VTI1A: variants seen among roughly 807,000 people sequenced by gnomAD.
VTI1A encodes vesicle transport through interaction with t-SNAREs 1A.
A neutral mutation model predicts 34.9 loss-of-function variants in VTI1A; 22 were observed. That is an observed-to-expected ratio of 0.63 (90% confidence interval 0.45 to 0.90). The LOEUF is 0.90. Among genes scored for constraint, VTI1A ranks in the 40% least tolerant of loss-of-function variants. The pLI is 0.00. For missense variants in VTI1A, 268 were observed against 275.6 expected (o/e 0.97, Z 0.20); for synonymous variants, 87 against 97.3 (o/e 0.89, Z 0.62).
chr10:112,723,779 G>A (rs1849902428), intron 7 of VTI1A, among the ~76,000 whole-genome samples: 1 of 152,228 alleles, frequency 6.6e-6, no homozygotes, highest in South Asian at 2.1e-4. Flanking sequence ...GTTTTCAGTT[G>A]ATGAAGGAAT....
chr10:112,735,106 T>A (rs1422791791), intron 7 of VTI1A, among the ~76,000 whole-genome samples: 1 of 152,216 alleles, frequency 6.6e-6, no homozygotes, highest in Non-Finnish European at 1.5e-5. Flanking sequence ...CACAGTGATT[T>A]ACCAGTTTTA....
At chr10:112,733,572 T>C (rs1485575252) in intron 7 of VTI1A, among the ~76,000 whole-genome samples, 1 of 152,110 alleles carries the variant, frequency 6.6e-6, no homozygotes, top group African/African-American at 2.4e-5. Context: ...GTCAAAGTTA[T>C]TCATATGTTC....
At chr10:112,656,835 C>T (rs10885366) in intron 5 of VTI1A, among the ~76,000 whole-genome samples, 42,618 of 151,894 alleles carry the variant, frequency 0.28, 7,214 homozygotes, top group East Asian at 0.69. Context: ...TTTAATCCTC[C>T]GAGTTGGAGG....
chr10:112,462,042 GT>G (rs1285919521), intron 2 of VTI1A, among the ~76,000 whole-genome samples: 1 of 152,182 alleles, frequency 6.6e-6, no homozygotes, highest in Non-Finnish European at 1.5e-5. Flanking sequence ...TAGAGACAGG[GT>G]TTCACCATGT....
intron 7 of VTI1A, among the ~76,000 whole-genome samples, chr10:112,745,750 A>G (rs1239974967): frequency 1.3e-5 from 2 of 152,174 alleles, no homozygotes; most frequent in Admixed American, 6.5e-5. Context: ...TATTTTTACA[A>G]AGATATTTGG....
At chr10:112,684,204 A>G (rs73350553) in intron 7 of VTI1A, among the ~76,000 whole-genome samples, 6,475 of 152,266 alleles carry the variant, frequency 0.043, 475 homozygotes, top group African/African-American at 0.15. Context: ...ATAAAACTTT[A>G]TATCCTATTA....
intron 5 of VTI1A, among the ~76,000 whole-genome samples, chr10:112,627,553 A>T (rs1384955491): frequency 1.3e-5 from 2 of 152,168 alleles, no homozygotes; most frequent in Admixed American, 1.3e-4. Flanking sequence ...ACCACTATTC[A>T]TAGTAGGTAT....
intron 5 of VTI1A, among the ~76,000 whole-genome samples, chr10:112,589,744 A>G (rs893915657): frequency 3.3e-5 from 5 of 152,170 alleles, no homozygotes; most frequent in Non-Finnish European, 7.3e-5. Flanking sequence ...CAGAGAGCTT[A>G]GTTGTTTGCT....
At position 112,738,455 on chromosome 10, in the gene VTI1A, T is replaced by A. The variant is rs957914376; in HGVS notation, c.560+69457T>A. Among the ~76,000 whole-genome samples, 4 of 152,302 alleles carry A rather than the reference T, an allele frequency of 2.6e-5. No homozygotes were observed. The South Asian group carries it at 8.3e-4, about 32-fold the overall frequency. ...GAGATCCTTGAGGACGGGGAGTGTGTTTCCTTTTTCTTTATATCTAGGATT... is the reference window on the plus strand; with the variant it reads ...GAGATCCTTGAGGACGGGGAGTGTGATTCCTTTTTCTTTATATCTAGGATT... On this transcript the variant is annotated intron_variant, in intron 7 of 7. Transcript: ENST00000393077.
At chr10:112,676,917 A>T (rs1278107149) in intron 7 of VTI1A, among the ~76,000 whole-genome samples, 3 of 152,170 alleles carry the variant, frequency 2.0e-5, no homozygotes, top group African/African-American at 7.2e-5. Context: ...CAGATCACTT[A>T]TGGATGGGTT....
chr10:112,609,561 A>G (rs1845213603), intron 5 of VTI1A, among the ~76,000 whole-genome samples: 1 of 152,214 alleles, frequency 6.6e-6, no homozygotes, highest in South Asian at 2.1e-4. Context: ...CATGAATGGT[A>G]TGGTAGATTT....
chr10:112,453,629 C>T (rs1847322023), intron 1 of VTI1A, among the ~76,000 whole-genome samples: 1 of 151,956 alleles, frequency 6.6e-6, no homozygotes, highest in South Asian at 2.1e-4. Context: ...AATTTGGCTT[C>T]TGTGTCCTTT....
chr10:112,817,212 T>C lies in VTI1A; in HGVS notation c.*1829T>C, dbSNP rs1270749471. ...TATTACACCAGCCCCTCTGGTGGCT[T>C]CCTTCAAAACTGTTGATCTTAGCTA... On this transcript the variant is annotated 3_prime_UTR_variant, in exon 8 of 8. Transcript: ENST00000393077. The C allele has an allele frequency of 4.3e-6, 1 of 232,354 alleles. No individual in the cohort carries two copies. The highest frequency in any genetic ancestry group is 8.5e-6 in the Non-Finnish European group (1 of 117,542). 14.4% of individuals were successfully genotyped at this position (232,354 alleles called of 1,614,324 possible). A position where few individuals can be genotyped will look rare whatever the true frequency, so the allele number is the denominator to read the frequency against.
intron 5 of VTI1A, among the ~76,000 whole-genome samples, chr10:112,557,510 G>A (rs1164643171): frequency 1.3e-5 from 2 of 152,102 alleles, no homozygotes; most frequent in African/African-American, 2.4e-5. Flanking sequence ...CCTATAGTCT[G>A]TAGAAATGTC....
chr10:112,601,439 T>TA (rs748966479), intron 5 of VTI1A, among the ~76,000 whole-genome samples: 2 of 151,710 alleles, frequency 1.3e-5, no homozygotes, highest in African/African-American at 2.4e-5. Context: ...TTTTTTTTTT[T>TA]AATTTAAATG....
chr10:112,605,786 G>A (rs1174801982), intron 5 of VTI1A, among the ~76,000 whole-genome samples: 2 of 152,174 alleles, frequency 1.3e-5, no homozygotes, highest in Non-Finnish European at 2.9e-5. Context: ...ATAGGCCAGA[G>A]GTGGAACACA....
chr10:112,744,697 C>T (rs749173314), intron 7 of VTI1A, among the ~76,000 whole-genome samples: 2 of 152,056 alleles, frequency 1.3e-5, no homozygotes, highest in Non-Finnish European at 2.9e-5. Flanking sequence ...CTCCCACCTC[C>T]GCCTCCCAAA....
At chr10:112,454,972 A>G (rs1847382250) in intron 1 of VTI1A, among the ~76,000 whole-genome samples, 1 of 152,158 alleles carries the variant, frequency 6.6e-6, no homozygotes, top group South Asian at 2.1e-4. Context: ...ACAGAGCACC[A>G]TGTACATTAA....
chr10:112,736,763 C>G, intron 7 of VTI1A: 1 of 1,544,908 alleles, frequency 6.5e-7, no homozygotes, highest in Non-Finnish European at 8.8e-7. Context: ...GTCTCTGGCC[C>G]CAAAGGCTTG....
Sources: allele counts gnomAD v4.1 joint callset (sites outside exome capture counted in the v4.1 genomes callset), GRCh38; gene constraint gnomAD v4.1.1; transcripts MANE v1.5; gene names NCBI Gene and HGNC (gene_info 2026-07-23, HGNC 2026-07-21).